DDO: variants seen among roughly 807,000 people sequenced by gnomAD.
DDO encodes D-aspartate oxidase, DDO.
DDO carries 16 observed loss-of-function variants against 16.8 expected under a neutral mutation model. The observed-to-expected ratio is 0.95, with a 90% CI of 0.65 to 1.45. The LOEUF is 1.45. Ranked by LOEUF, DDO falls within the 40% of genes most tolerant of loss-of-function variation. The pLI is 0.00. For missense variants in DDO, 429 were observed against 420.3 expected (o/e 1.02, Z -0.18); for synonymous variants, 180 against 167.2 (o/e 1.08, Z -0.59).
chr6:110,404,507 G>A (rs1582483176), intron 4 of DDO, among the ~76,000 whole-genome samples: 1 of 152,204 alleles, frequency 6.6e-6, no homozygotes, highest in East Asian at 1.9e-4. Flanking sequence ...TTTTACCTGG[G>A]GCAAGAAGGG....
At chr6:110,389,467 G>A (rs1039758900), downstream of DDO, among the ~76,000 whole-genome samples, 2 of 152,184 alleles carry the variant, frequency 1.3e-5, no homozygotes, top group African/African-American at 4.8e-5. Context: ...AAATGCAAAG[G>A]CTATTTCTTT....
At chr6:110,393,791 AG>A in intron 4 of DDO, among the ~76,000 whole-genome samples, 1 of 152,300 alleles carries the variant, frequency 6.6e-6, no homozygotes, top group Non-Finnish European at 1.5e-5. Context: ...CCTAACTAAA[AG>A]GTACAGGGGT....
intron 4 of DDO, among the ~76,000 whole-genome samples, chr6:110,394,007 C>T (rs1773205598): frequency 6.6e-6 from 1 of 152,170 alleles, no homozygotes; most frequent in East Asian, 1.9e-4. Context: ...TAAAATTTAT[C>T]ATTTTGACGA....
At chr6:110,397,596 G>T (rs1041387489) in intron 4 of DDO, among the ~76,000 whole-genome samples, 2 of 152,184 alleles carry the variant, frequency 1.3e-5, no homozygotes, top group African/African-American at 2.4e-5. Flanking sequence ...AACTTATAGG[G>T]TTTTTATGAT....
intron 3 of DDO, among the ~76,000 whole-genome samples, chr6:110,406,797 C>T (rs12202801): frequency 6.7e-6 from 1 of 150,222 alleles, no homozygotes; most frequent in African/African-American, 2.4e-5. Flanking sequence ...CTGATGGTCT[C>T]GGATGAAACA....
chr6:110,409,389 G>C (rs998563515), intron 2 of DDO, among the ~76,000 whole-genome samples: 46 of 152,264 alleles, frequency 3.0e-4, no homozygotes, highest in African/African-American at 1.1e-3. Flanking sequence ...TAAGCCTCAG[G>C]GGCTGCTATG....
At chr6:110,415,029 C>T (rs191851960) in intron 1 of DDO, among the ~76,000 whole-genome samples, 33 of 152,346 alleles carry the variant, frequency 2.2e-4, no homozygotes, top group African/African-American at 7.2e-4. Flanking sequence ...TCCTATTCCT[C>T]GAGCAGTCTA....
At chr6:110,415,326 G>A in intron 1 of DDO, 141 bp downstream of exon 1, 3 of 1,100,254 alleles carry the variant, frequency 2.7e-6, no homozygotes, top group Non-Finnish European at 3.8e-6. Context: ...AGCTGCCAGG[G>A]AGGAGGAGTG....
At chr6:110,405,518 C>T (rs1226113337) in intron 3 of DDO, among the ~76,000 whole-genome samples, 1 of 152,144 alleles carries the variant, frequency 6.6e-6, no homozygotes, top group Non-Finnish European at 1.5e-5. Context: ...CTAAAAAGCT[C>T]CTGCCTAGAT....
At chr6:110,398,023 A>G (rs554571326) in intron 4 of DDO, among the ~76,000 whole-genome samples, 2 of 152,290 alleles carry the variant, frequency 1.3e-5, no homozygotes, top group South Asian at 4.1e-4. Flanking sequence ...GGTTGGAGGT[A>G]CAAGAAGCAT....
downstream of DDO, chr6:110,388,839 T>C (rs2114799922): frequency 2.1e-6 from 2 of 975,148 alleles, no homozygotes; most frequent in Non-Finnish European, 2.4e-6. Context: ...TGTTCTGAAA[T>C]AGAAAACAAG....
intron 4 of DDO, among the ~76,000 whole-genome samples, chr6:110,402,496 C>A (rs1773515147): frequency 6.6e-6 from 1 of 152,100 alleles, no homozygotes; most frequent in South Asian, 2.1e-4. Flanking sequence ...GAAACCCTGT[C>A]TCTACTAAAA....
chr6:110,411,037 T>C (rs1456698093), intron 2 of DDO, among the ~76,000 whole-genome samples: 2 of 152,114 alleles, frequency 1.3e-5, no homozygotes, highest in Admixed American at 6.5e-5. Context: ...AGGAAACACA[T>C]GCAAACTGGA....
chr6:110,415,275 A>G (rs995993548), intron 1 of DDO, among the ~76,000 whole-genome samples, 192 bp downstream of exon 1: 1 of 152,212 alleles, frequency 6.6e-6, no homozygotes. Context: ...GCTCTAATAA[A>G]CTAAGTTGAA....
intron 4 of DDO, among the ~76,000 whole-genome samples, chr6:110,396,692 TTTG>T (rs1773302165): frequency 8.3e-6 from 1 of 119,982 alleles, no homozygotes; most frequent in African/African-American, 3.1e-5. Flanking sequence ...GAGCTACTGT[TTTG>T]TTTGTTTGTT....
At chr6:110,397,214 T>G (rs1773319126) in intron 4 of DDO, among the ~76,000 whole-genome samples, 1 of 152,216 alleles carries the variant, frequency 6.6e-6, no homozygotes, top group African/African-American at 2.4e-5. Flanking sequence ...TAAAGACCTT[T>G]TATTTTTAAA....
intron 4 of DDO, among the ~76,000 whole-genome samples, chr6:110,403,168 C>T (rs1773536919): frequency 6.6e-6 from 1 of 152,170 alleles, no homozygotes; most frequent in Non-Finnish European, 1.5e-5. Context: ...TGAAAGGAAA[C>T]TCTGCCATTT....
At chr6:110,404,433 T>G (rs1773579048) in intron 4 of DDO, among the ~76,000 whole-genome samples, 1 of 152,208 alleles carries the variant, frequency 6.6e-6, no homozygotes, top group Non-Finnish European at 1.5e-5. Context: ...TAGCTGGAAA[T>G]ATATTCTCCA....
chr6:110,415,480 A>C lies in DDO; in HGVS notation c.-18T>G, dbSNP rs1279338632. 2 of 1,614,092 alleles carry C rather than the reference A, an allele frequency of 1.2e-6. No individual in the cohort carries two copies. Among genetic ancestry groups the C allele is most frequent in the African/African-American group, 1.3e-5 (1 of 74,940 alleles). Reference sequence around the variant, plus strand: ...GAATTCAAGTACCTGTCTCTGAAAAAGCAGTCTTGGAAGCCACCAAAATCT... The same window carrying C: ...GAATTCAAGTACCTGTCTCTGAAAACGCAGTCTTGGAAGCCACCAAAATCT... On this transcript the variant is annotated 5_prime_UTR_variant, in exon 1 of 5. Transcript: ENST00000368924.
Sources: gnomAD v4.1 joint callset for allele counts (sites outside exome capture counted in the v4.1 genomes callset) on GRCh38, gnomAD v4.1.1 for gene constraint, MANE v1.5 for transcripts, NCBI Gene and HGNC (gene_info 2026-07-23, HGNC 2026-07-21) for gene names.